Variants in PYROXD2 observed in about 807,000 individuals in gnomAD.
PYROXD2 encodes pyridine nucleotide-disulfide oxidoreductase domain-containing protein 2.
In PYROXD2, 69 loss-of-function variants were observed where a neutral mutation model predicts 71.1. That is an observed-to-expected ratio of 0.97 (90% CI 0.80 to 1.19). The LOEUF (loss-of-function observed/expected upper bound fraction) is 1.19, where lower values mean the gene tolerates loss of function less well. Among genes scored for constraint, PYROXD2 ranks in the 50% most tolerant of loss-of-function variants. PYROXD2 has a pLI of 0.00. For synonymous variants in PYROXD2, 287 were observed against 302.7 expected, an observed-to-expected ratio of 0.95 and a Z score of 0.54; for missense variants, 745 against 748.9, an observed-to-expected ratio of 0.99 and a Z score of 0.06.
At chr10:98,402,205 T>G (rs1843436655) in intron 4 of PYROXD2, among the ~76,000 whole-genome samples, 1 of 152,192 alleles carries the variant, frequency 6.6e-6, no homozygotes, top group South Asian at 2.1e-4. Flanking sequence ...TGTCTTATTA[T>G]CCTCATTGTA....
chr10:98,405,672 T>C (rs1843574061), intron 4 of PYROXD2, among the ~76,000 whole-genome samples: 1 of 152,172 alleles, frequency 6.6e-6, no homozygotes, highest in Non-Finnish European at 1.5e-5. Flanking sequence ...AGCTCCAGTC[T>C]CAGCCTCTGT....
chr10:98,395,484 A>C, intron 6 of PYROXD2, 32 bp from the exon 7 acceptor site: 1 of 1,602,860 alleles, frequency 6.2e-7, no homozygotes, highest in Non-Finnish European at 8.5e-7. Flanking sequence ...ACAGAAGTTG[A>C]AACAGGTGAC....
In PYROXD2 at chr10:98,410,971, G is replaced by T. The variant is rs778289369; in HGVS notation, c.128-13C>A. On this transcript the variant is annotated splice_polypyrimidine_tract_variant and intron_variant, in intron 1 of 15. Coordinates refer to ENST00000370575, the MANE Select transcript of PYROXD2 (RefSeq NM_032709.3). The stretch of plus-strand genomic sequence containing the variant: ...AGTCCGTTGTGTCCTGCAACAAAAC[G>T]GGACAGGGAAGGAAAACATCACTGG... The T allele has an allele frequency of 5.1e-6, 8 of 1,561,430 alleles. No individual in the cohort carries two copies. Among genetic ancestry groups the T allele is most frequent in the Middle Eastern group, 1.7e-4 (1 of 6,008 alleles).
In PYROXD2 at chr10:98,405,845, C is replaced by T. The variant is rs534714286; in HGVS notation, c.315+1737G>A. ...AGACAGTCAGGCCTTGGCTTGAATT[C>T]TCCATCACTTTCTAGCTGTGTGAAT... On this transcript the variant is annotated intron_variant, in intron 4 of 15. Coordinates refer to ENST00000370575, the MANE Select transcript of PYROXD2 (RefSeq NM_032709.3). 3.9e-5 allele frequency among the ~76,000 whole-genome samples: 6 copies of T among 152,360 alleles called. No homozygotes were observed. The East Asian group carries it at 1.2e-3, about 29-fold the overall frequency.
intron 5 of PYROXD2, among the ~76,000 whole-genome samples, chr10:98,399,146 C>CAAACA (rs1843303081): frequency 6.6e-6 from 1 of 151,806 alleles, no homozygotes; most frequent in Admixed American, 6.6e-5. Flanking sequence ...GTCTCAAAAA[C>CAAACA]AAATAAAATA....
intron 1 of PYROXD2, 61 bp from the exon 2 acceptor site, chr10:98,411,019 G>C: frequency 3.2e-6 from 5 of 1,551,532 alleles, no homozygotes; most frequent in Non-Finnish European, 4.4e-6. Context: ...CAGACAGACA[G>C]TCCTTGAGGA....
intron 1 of PYROXD2, 82 bp downstream of exon 1, chr10:98,414,926 TC>T (rs1266235398): frequency 2.7e-5 from 42 of 1,537,730 alleles, no homozygotes; most frequent in Non-Finnish European, 8.8e-7. Flanking sequence ...GGGGCTTGGC[TC>T]CCCCTCCCCC....
At chr10:98,394,265 C>A (rs1222237570) in intron 8 of PYROXD2, among the ~76,000 whole-genome samples, 1 of 152,150 alleles carries the variant, frequency 6.6e-6, no homozygotes, top group South Asian at 2.1e-4. Context: ...TTAAGCCTCC[C>A]AGGGATCCGA....
At chr10:98,414,904 G>A in intron 1 of PYROXD2, 105 bp downstream of exon 1, 1 of 1,493,812 alleles carries the variant, frequency 6.7e-7, no homozygotes, top group East Asian at 2.4e-5. Context: ...TTATGCCAGA[G>A]GAGAGAGCAG....
At chr10:98,406,725 C>T (rs1049703660) in intron 4 of PYROXD2, among the ~76,000 whole-genome samples, 2 of 151,954 alleles carry the variant, frequency 1.3e-5, no homozygotes, top group African/African-American at 4.8e-5. Flanking sequence ...AAGCCCTTCT[C>T]TACTAAAAAC....
chr10:98,405,767 G>T (rs781055523), intron 4 of PYROXD2, among the ~76,000 whole-genome samples: 1 of 152,216 alleles, frequency 6.6e-6, no homozygotes, highest in Non-Finnish European at 1.5e-5. Flanking sequence ...GAGTCTGGGC[G>T]GTATTGGTAC....
At chr10:98,406,745 T>G (rs888029311) in intron 4 of PYROXD2, among the ~76,000 whole-genome samples, 15 of 151,780 alleles carry the variant, frequency 9.9e-5, no homozygotes, top group African/African-American at 3.1e-4. Flanking sequence ...CACAAAAAAT[T>G]TGCCTGGCGT....
intron 12 of PYROXD2, among the ~76,000 whole-genome samples, chr10:98,388,743 C>T (rs1231405042): frequency 6.6e-6 from 1 of 151,980 alleles, no homozygotes; most frequent in Non-Finnish European, 1.5e-5. Context: ...CCTGTCCTTG[C>T]CTGCCTTCAT....
intron 8 of PYROXD2, among the ~76,000 whole-genome samples, chr10:98,394,189 C>T (rs1774116250): frequency 6.6e-6 from 1 of 152,194 alleles, no homozygotes; most frequent in African/African-American, 2.4e-5. Context: ...GGCAAGCGCT[C>T]ATCCATATTT....
At chr10:98,411,719 TGTATAAATGTC>T (rs1182080887) in intron 1 of PYROXD2, 5 of 152,122 alleles carry the variant, frequency 3.3e-5, no homozygotes, top group African/African-American at 1.2e-4. Flanking sequence ...CCTGGAAGGT[TGTATAAATGTC>T]GACTCCCACA....
At chr10:98,398,969 T>C (rs1843294118) in intron 5 of PYROXD2, among the ~76,000 whole-genome samples, 1 of 151,844 alleles carries the variant, frequency 6.6e-6, no homozygotes, top group Non-Finnish European at 1.5e-5. Flanking sequence ...GACTTTTGTC[T>C]CTACAAAAAA....
chr10:98,387,064 C>A, intron 14 of PYROXD2, 137 bp downstream of exon 14: 1 of 620,696 alleles, frequency 1.6e-6, no homozygotes, highest in South Asian at 2.3e-5. Context: ...CCTCTCTCAG[C>A]CGGGGTCCCT....
At chr10:98,411,025 G>A (rs889855135) in intron 1 of PYROXD2, 67 bp from the exon 2 acceptor site, 6 of 1,550,678 alleles carry the variant, frequency 3.9e-6, no homozygotes, top group African/African-American at 1.4e-5. Flanking sequence ...GACAGTCCTT[G>A]AGGAATGTGC....
At chr10:98,394,861 G>A (rs1250160259) in intron 8 of PYROXD2, among the ~76,000 whole-genome samples, 2 of 152,050 alleles carry the variant, frequency 1.3e-5, no homozygotes, top group African/African-American at 4.8e-5. Context: ...GAGCTATCAA[G>A]CGGGAGGTGG....
Sources: allele counts gnomAD v4.1 joint callset (sites outside exome capture counted in the v4.1 genomes callset), GRCh38; gene constraint gnomAD v4.1.1; transcripts MANE v1.5; gene names NCBI Gene and HGNC (gene_info 2026-07-23, HGNC 2026-07-21).